The following AGTR1 variants were observed in gnomAD, a reference collection of about 807,000 sequenced individuals.
AGTR1 encodes the protein angiotensin II receptor type 1.
A neutral mutation model predicts 19.4 loss-of-function variants in AGTR1; 16 were observed. The observed-to-expected ratio is 0.82, with a 90% CI of 0.56 to 1.25. AGTR1 has a LOEUF of 1.25. Among genes scored for constraint, AGTR1 ranks in the 50% most tolerant of loss-of-function variants. The pLI, the probability that AGTR1 is intolerant of heterozygous loss-of-function variation, is 0.00. For missense variants in AGTR1, 373 were observed against 431.9 expected, an observed-to-expected ratio of 0.86 and a Z score of 1.21; for synonymous variants, 153 against 154.9, an observed-to-expected ratio of 0.99 and a Z score of 0.09.
At chr3:148,730,436 T>A (rs959619497) in intron 2 of AGTR1, 7 of 375,896 alleles carry the variant, frequency 1.9e-5, no homozygotes, top group Non-Finnish European at 3.3e-5. Context: ...CAAAGGGGAT[T>A]TTACTAGATG....
intron 1 of AGTR1, among the ~76,000 whole-genome samples, chr3:148,702,377 G>A (rs1445058823): frequency 2.0e-5 from 3 of 152,072 alleles, no homozygotes; most frequent in Admixed American, 6.6e-5. Flanking sequence ...TATCTACTTT[G>A]GAAAATGAAG....
intron 2 of AGTR1, among the ~76,000 whole-genome samples, chr3:148,730,950 A>G (rs1714220693): frequency 6.6e-6 from 1 of 152,210 alleles, no homozygotes; most frequent in Non-Finnish European, 1.5e-5. Flanking sequence ...AAATGTCGCT[A>G]GTGTAACTGA....
intron 2 of AGTR1, among the ~76,000 whole-genome samples, chr3:148,717,678 G>A: frequency 6.6e-6 from 1 of 152,172 alleles, no homozygotes. Flanking sequence ...ATATTTTAAT[G>A]TCTCATTTCA....
At chr3:148,729,537 C>T (rs549743554) in intron 2 of AGTR1, among the ~76,000 whole-genome samples, 1 of 152,302 alleles carries the variant, frequency 6.6e-6, no homozygotes, top group South Asian at 2.1e-4. Flanking sequence ...TGTGTGACAT[C>T]TGGTAACTCA....
chr3:148,731,190 G>C (rs1030966659), intron 2 of AGTR1: 1 of 152,122 alleles, frequency 6.6e-6, no homozygotes, highest in African/African-American at 2.4e-5. Flanking sequence ...CTTTTGGACA[G>C]CACTGAACTA....
chr3:148,702,865 A>T (rs1712429405), intron 1 of AGTR1, among the ~76,000 whole-genome samples: 1 of 152,174 alleles, frequency 6.6e-6, no homozygotes, highest in Non-Finnish European at 1.5e-5. Context: ...TTATATTTTA[A>T]AAAAGAAATG....
At chr3:148,731,539 C>T (rs897069116) in intron 2 of AGTR1, 1 of 152,138 alleles carries the variant, frequency 6.6e-6, no homozygotes, top group Non-Finnish European at 1.5e-5. Flanking sequence ...TTTACTTACC[C>T]TTGTATTATA....
chr3:148,715,645 T>TA (rs1713268620), intron 2 of AGTR1, among the ~76,000 whole-genome samples: 1 of 152,174 alleles, frequency 6.6e-6, no homozygotes, highest in Non-Finnish European at 1.5e-5. Context: ...CAATTTCTGA[T>TA]AAAAATAAAT....
Position 148,741,493 on chromosome 3 carries a change from G to T in AGTR1, c.458G>T (p.Trp153Leu). ...GCCAAAGTCACCTGCATCATCATTT[G>T]GCTGCTGGCAGGCTTGGCCAGTTTG... ...LVAKVTCIIIWLLAGLASLPA... is the reference protein window; with the variant it reads ...LVAKVTCIIILLLAGLASLPA... The change falls in exon 3 of 3, where the codon TGG (tryptophan) becomes TTG (leucine). Residue 153 changes from tryptophan (W) to leucine (L), a missense_variant. Transcript: ENST00000349243. 6.2e-7 allele frequency: 1 copy of T among 1,613,772 alleles called. No individual in the cohort carries two copies. The highest frequency in any genetic ancestry group is 8.5e-7 in the Non-Finnish European group (1 of 1,180,022).
intron 1 of AGTR1, among the ~76,000 whole-genome samples, chr3:148,706,064 T>G (rs557106900): frequency 2.8e-4 from 42 of 152,122 alleles, no homozygotes; most frequent in Admixed American, 9.8e-4. Flanking sequence ...AAATTTTCTA[T>G]AATGGATCTC....
At chr3:148,712,961 C>T (rs373652752) in intron 2 of AGTR1, among the ~76,000 whole-genome samples, 70 of 152,158 alleles carry the variant, frequency 4.6e-4, no homozygotes, top group African/African-American at 1.6e-3. Flanking sequence ...TAGTAGGAGG[C>T]GCCCCCTGGA....
chr3:148,720,416 C>T (rs1296904897), intron 2 of AGTR1, among the ~76,000 whole-genome samples: 2 of 152,162 alleles, frequency 1.3e-5, no homozygotes, highest in African/African-American at 4.8e-5. Context: ...TTTTTCAAAT[C>T]CATAATTTTA....
chr3:148,720,277 A>T (rs2039144454), intron 2 of AGTR1, among the ~76,000 whole-genome samples: 1 of 152,180 alleles, frequency 6.6e-6, no homozygotes, highest in African/African-American at 2.4e-5. Context: ...CACCACACAC[A>T]CACACAGAGG....
chr3:148,731,477 C>T (rs948138863), intron 2 of AGTR1: 3 of 152,026 alleles, frequency 2.0e-5, no homozygotes, highest in African/African-American at 4.8e-5. Context: ...GCTGAACTTC[C>T]GAATAAAAAA....
In AGTR1 at chr3:148,700,993, T is replaced by C. The variant is rs1712307796; in HGVS notation, c.-132+2866T>C. ...GATCGATTTGTATCCTAAATTTAGC[T>C]ATCACTTTACATTTTGTTTTATTCA... On this transcript the variant is annotated intron_variant, in intron 1 of 2. Coordinates refer to ENST00000349243, the MANE Select transcript of AGTR1 (RefSeq NM_000685.5). Among the ~76,000 whole-genome samples the C allele has an allele frequency of 2.0e-5, 3 of 152,232 alleles. No homozygotes were observed. In the South Asian group the frequency reaches 6.2e-4, roughly 32 times the overall value.
At chr3:148,699,883 C>T (rs1163757540) in intron 1 of AGTR1, among the ~76,000 whole-genome samples, 1 of 152,080 alleles carries the variant, frequency 6.6e-6, no homozygotes, top group African/African-American at 2.4e-5. Context: ...CTTCTTTGAC[C>T]TTAAACTGAA....
intron 2 of AGTR1, among the ~76,000 whole-genome samples, chr3:148,719,293 G>GA (rs3836280): frequency 0.33 from 49,881 of 150,660 alleles, 11,585 homozygotes; most frequent in African/African-American, 0.67. Flanking sequence ...TATTTCATAG[G>GA]AAAAAAAAAG....
intron 2 of AGTR1, among the ~76,000 whole-genome samples, chr3:148,708,622 C>T (rs945666088): frequency 6.6e-6 from 1 of 152,194 alleles, no homozygotes; most frequent in Non-Finnish European, 1.5e-5. Flanking sequence ...GCATGAGTCA[C>T]ATGGCAGGGC....
chr3:148,719,529 C>T (rs956262683), intron 2 of AGTR1, among the ~76,000 whole-genome samples: 2 of 152,220 alleles, frequency 1.3e-5, no homozygotes, highest in African/African-American at 2.4e-5. Flanking sequence ...TTCCTTTGTA[C>T]TCCAGAGGCT....
Sources: gnomAD v4.1 joint callset for allele counts (sites outside exome capture counted in the v4.1 genomes callset) on GRCh38, gnomAD v4.1.1 for gene constraint, MANE v1.5 for transcripts, NCBI Gene and HGNC (gene_info 2026-07-23, HGNC 2026-07-21) for gene names.